Variants in DOP1B observed in about 807,000 individuals in gnomAD.
DOP1B encodes protein DOP1B.
DOP1B carries 174 observed loss-of-function variants against 233.5 expected under a neutral mutation model. The observed-to-expected ratio is 0.75, with a 90% CI of 0.66 to 0.85. DOP1B has a LOEUF of 0.85. Among genes scored for constraint, DOP1B ranks in the 40% least tolerant of loss-of-function variants. The probability of loss-of-function intolerance (pLI) is 0.00; values close to 1 mark genes in which losing one functional copy is unlikely to be tolerated. For missense variants in DOP1B, 2,652 were observed against 2,846.6 expected (o/e 0.93, Z 1.56); for synonymous variants, 1,190 against 1,185.6 (o/e 1.00, Z -0.08).
At chr21:36,265,049 G>A (rs2067216549) in intron 26 of DOP1B, among the ~76,000 whole-genome samples, 2 of 152,164 alleles carry the variant, frequency 1.3e-5, no homozygotes, top group South Asian at 2.1e-4. Context: ...TTTGTGAAAG[G>A]TATATCCAGA....
At chr21:36,228,745 G>A (rs1007232549) in intron 13 of DOP1B, among the ~76,000 whole-genome samples, 5 of 150,750 alleles carry the variant, frequency 3.3e-5, no homozygotes, top group Non-Finnish European at 5.9e-5. Flanking sequence ...CAGCCTAGGC[G>A]AAAAAGTGAG....
intron 4 of DOP1B, among the ~76,000 whole-genome samples, chr21:36,201,342 A>ATTTTTTTTTTTTTTTTTT (rs1187890925): frequency 2.8e-4 from 13 of 46,896 alleles, no homozygotes; most frequent in Non-Finnish European, 4.0e-4. Context: ...TATCTATTGG[A>ATTTTTTTTTTTTTTTTTT]TTCTTTTTTT....
In DOP1B at chr21:36,286,672, AC is replaced by A. The variant is rs869106855; in HGVS notation, c.6161-1341del. On this transcript the variant is annotated intron_variant, in intron 32 of 36. Coordinates refer to ENST00000691173, the MANE Select transcript of DOP1B (RefSeq NM_001320714.2). The stretch of plus-strand genomic sequence containing the variant: ...CACACACACACACACACACACACAC[AC>A]AAAACTGACTGAGCATGGCAGCTCA... Among the ~76,000 whole-genome samples the A allele has an allele frequency of 1.4e-3, 190 of 134,522 alleles. 2 individuals are homozygous for A. In the East Asian group the frequency reaches 0.029, roughly 21 times the overall value. The allele number at this position is 134,522 out of a possible 152,430, so 88.3% of individuals were successfully genotyped here.
In DOP1B at chr21:36,247,666, A is replaced by C. The variant is rs762103773; in HGVS notation, c.4809+38A>C. 29 of 1,452,178 alleles carry C rather than the reference A, an allele frequency of 2.0e-5. 1 individual carries two copies. In the South Asian group the frequency reaches 3.6e-4, roughly 18 times the overall value. The allele number at this position is 1,452,178 out of a possible 1,614,324, so 90.0% of individuals were successfully genotyped here. A position where few individuals can be genotyped will look rare whatever the true frequency, so the allele number is the denominator to read the frequency against. ...TTTTCCTGAGTTCAAGGCAATTTTC[A>C]TGTATTGTTTTGTCTTTGGGCTATG... On this transcript the variant is annotated intron_variant, in intron 20 of 36. Coordinates refer to ENST00000691173, the MANE Select transcript of DOP1B (RefSeq NM_001320714.2).
chr21:36,292,331 A>G, intron 36 of DOP1B, 98 bp downstream of exon 36: 2 of 944,444 alleles, frequency 2.1e-6, no homozygotes, highest in Non-Finnish European at 3.0e-6. Flanking sequence ...GTCTTCGCTT[A>G]CTGCAGCCTC....
At chr21:36,290,455 G>A (rs2067542702) in intron 35 of DOP1B, among the ~76,000 whole-genome samples, 1 of 151,724 alleles carries the variant, frequency 6.6e-6, no homozygotes. Context: ...GAGGCCAGGA[G>A]TTCAAGACCA....
At position 36,244,795 on chromosome 21, in the gene DOP1B, A is replaced by G. The variant is rs566308312; in HGVS notation, c.3068-253A>G. On this transcript the variant is annotated intron_variant, in intron 18 of 36. Coordinates refer to ENST00000691173, the MANE Select transcript of DOP1B (RefSeq NM_001320714.2). ...ATTTTTAAAAATTGCTCCCCTCCAAAAAATTAAAATACTTAAGTTTACTAT... is the reference window on the plus strand; with the variant it reads ...ATTTTTAAAAATTGCTCCCCTCCAAGAAATTAAAATACTTAAGTTTACTAT... Among the ~76,000 whole-genome samples the G allele has an allele frequency of 2.0e-5, 3 of 152,318 alleles. No individual in the cohort carries two copies. The East Asian group carries it at 5.8e-4, about 29-fold the overall frequency.
intron 22 of DOP1B, 66 bp downstream of exon 22, chr21:36,251,350 T>G (rs1466332472): frequency 5.8e-6 from 9 of 1,554,176 alleles, no homozygotes; most frequent in Admixed American, 4.1e-5. Context: ...CAGAATCATG[T>G]GGAATCAAAG....
chr21:36,256,924 C>G (rs1167472742), intron 23 of DOP1B, among the ~76,000 whole-genome samples: 1 of 152,148 alleles, frequency 6.6e-6, no homozygotes, highest in Non-Finnish European at 1.5e-5. Context: ...CCTACTCTAT[C>G]TGCTTGGAGA....
At position 36,246,739 on chromosome 21, in the gene DOP1B, G is replaced by C. The variant is rs545832248; in HGVS notation, c.4697+62G>C. The stretch of plus-strand genomic sequence containing the variant: ...GTGATGGTTTTTATAACGAATGACT[G>C]TTTTGCCACGGATGTGGATGTCGGT... On this transcript the variant is annotated intron_variant, in intron 19 of 36. Coordinates refer to ENST00000691173, the MANE Select transcript of DOP1B (RefSeq NM_001320714.2). This position sits in a 1 kb window ranked among gnomAD's most constrained non-coding sequence, Gnocchi z 5.1. The C allele has an allele frequency of 1.3e-4, 194 of 1,542,192 alleles. No homozygotes were observed. The highest frequency in any genetic ancestry group is 1.7e-4 in the Non-Finnish European group (189 of 1,140,404).
intron 18 of DOP1B, among the ~76,000 whole-genome samples, chr21:36,240,337 G>C (rs552133825): frequency 1.9e-4 from 29 of 152,070 alleles, no homozygotes; most frequent in Admixed American, 1.7e-3. Flanking sequence ...AAAATTAGCC[G>C]GGCGTGGTGG....
intron 3 of DOP1B, among the ~76,000 whole-genome samples, chr21:36,199,581 C>T (rs1285839563): frequency 2.6e-5 from 4 of 152,100 alleles, no homozygotes; most frequent in Non-Finnish European, 5.9e-5. Flanking sequence ...TGCTATCCCT[C>T]CCCACTCCCC....
intron 12 of DOP1B, among the ~76,000 whole-genome samples, chr21:36,227,274 A>G (rs112438854): frequency 0.014 from 2,089 of 151,806 alleles, 21 homozygotes; most frequent in South Asian, 0.052. Context: ...TGGGTCAGGC[A>G]CGGTGGCTCA....
chr21:36,203,892 G>C (rs1408294434), intron 4 of DOP1B, among the ~76,000 whole-genome samples: 3 of 145,892 alleles, frequency 2.1e-5, no homozygotes, highest in Non-Finnish European at 1.5e-5. Flanking sequence ...TTTTTTTTAA[G>C]TGCCCATGAA....
chr21:36,248,538 A>G lies in DOP1B; in HGVS notation c.4968A>G (p.Gly1656=), dbSNP rs578208896. 6.2e-7 allele frequency: 1 copy of G among 1,611,724 alleles called. No homozygotes were observed. Among genetic ancestry groups the G allele is most frequent in the East Asian group, 2.2e-5 (1 of 44,876 alleles). The stretch of plus-strand genomic sequence containing the variant: ...TCGATCTCCTAGGGGCCACGAAGGG[A>G]TCCTCTTCCGTTTACTTTAAAACCA... ...RPVDLLGATK[G]SSSVYFKTTK... is the part of the protein sequence containing the mutation. Residue 1656 remains glycine (G), a synonymous_variant, in exon 21 of 37, where the codon GGA becomes GGG. Coordinates refer to ENST00000691173, the MANE Select transcript of DOP1B (RefSeq NM_001320714.2).
At chr21:36,200,261 T>A in intron 3 of DOP1B, 70 bp from the exon 4 acceptor site, 1 of 1,496,354 alleles carries the variant, frequency 6.7e-7, no homozygotes, top group Non-Finnish European at 8.9e-7. Context: ...TCCCCTCGGC[T>A]GGCTTGTCAC....
chr21:36,259,257 GC>G (rs1444839028), intron 23 of DOP1B, among the ~76,000 whole-genome samples: 4 of 142,722 alleles, frequency 2.8e-5, no homozygotes, highest in Admixed American at 2.2e-4. Flanking sequence ...GAGCCACTGC[GC>G]CCGGGCTTTT....
intron 4 of DOP1B, among the ~76,000 whole-genome samples, chr21:36,203,309 T>C (rs2066391011): frequency 6.6e-6 from 1 of 152,196 alleles, no homozygotes; most frequent in Non-Finnish European, 1.5e-5. Flanking sequence ...CAATAATCTC[T>C]GAGCCAGTGT....
chr21:36,270,063 C>T lies in DOP1B; in HGVS notation c.5538C>T (p.Ser1846=). ...LEAVGNIAGS[S]LEQTSWLSRN... ...CTGTGGGGAACATTGCCGGCTCTTC[C>T]TTGGAGCAAACCAGCTGGCTAAGCA... The change falls in exon 27 of 37, where the codon TCC becomes TCT. Residue 1846 remains serine, a synonymous_variant. Coordinates refer to ENST00000691173, the MANE Select transcript of DOP1B (RefSeq NM_001320714.2). 1 of 1,614,108 alleles carries T rather than the reference C, an allele frequency of 6.2e-7. No individual in the cohort carries two copies. Among genetic ancestry groups the T allele is most frequent in the Non-Finnish European group, 8.5e-7 (1 of 1,180,010 alleles).
Sources: allele counts gnomAD v4.1 joint callset (sites outside exome capture counted in the v4.1 genomes callset), GRCh38; gene constraint gnomAD v4.1.1; non-coding constraint Gnocchi (gnomAD v3.1); transcripts MANE v1.5; gene names NCBI Gene and HGNC (gene_info 2026-07-23, HGNC 2026-07-21).